The following SH2B1 variants were observed in gnomAD, a reference collection of about 807,000 sequenced individuals.
The protein encoded by SH2B1 is SH2B adapter protein 1.
SH2B1 carries 15 observed loss-of-function variants against 62.6 expected under a neutral mutation model. The ratio of observed to expected loss-of-function variants is 0.24; its 90% CI spans 0.16 to 0.37. The LOEUF (loss-of-function observed/expected upper bound fraction) is 0.37, where lower values mean the gene tolerates loss of function less well. Ranked by LOEUF, SH2B1 falls within the 10% of genes least tolerant of loss-of-function variation. The pLI is 1.00. For synonymous variants in SH2B1, 443 were observed against 438.0 expected (o/e 1.01, Z -0.14); for missense variants, 925 against 1,015.6 (o/e 0.91, Z 1.21).
chr16:28,869,184 G>A (rs1962895548), intron 3 of SH2B1, 24 bp from the exon 4 acceptor site: 5 of 1,613,918 alleles, frequency 3.1e-6, no homozygotes, highest in Non-Finnish European at 4.2e-6. Context: ...TTTCCTCCCA[G>A]CACCATCTTC....
chr16:28,861,019 T>C (rs574264726), upstream of SH2B1, among the ~76,000 whole-genome samples: 9 of 152,034 alleles, frequency 5.9e-5, no homozygotes, highest in African/African-American at 1.9e-4. Flanking sequence ...GGTTTCGCCA[T>C]GTTGGCTAGG....
At chr16:28,852,981 A>T (rs1234937163) in intron 1 of SH2B1, among the ~76,000 whole-genome samples, 2 of 55,722 alleles carry the variant, frequency 3.6e-5, no homozygotes, top group South Asian at 5.1e-4. Context: ...GTACATATAT[A>T]TTTTATATGT....
intron 1 of SH2B1, among the ~76,000 whole-genome samples, chr16:28,857,763 G>A (rs1360786783): frequency 2.1e-4 from 31 of 149,828 alleles, no homozygotes; most frequent in African/African-American, 6.6e-4. Flanking sequence ...TTTTTGAGAC[G>A]GAGTCTCGCT....
chr16:28,848,860 C>T (rs1422558015), intron 1 of SH2B1, among the ~76,000 whole-genome samples: 6 of 151,718 alleles, frequency 4.0e-5, no homozygotes, highest in East Asian at 3.9e-4. Context: ...TTAATAGAGA[C>T]GGGGTTTCAC....
chr16:28,867,508 G>A (rs577778048), intron 2 of SH2B1, 76 bp downstream of exon 2: 15 of 1,087,612 alleles, frequency 1.4e-5, no homozygotes, highest in Admixed American at 3.4e-5. Flanking sequence ...AGCAAGTGGC[G>A]TCGCCGAAAG....
chr16:28,867,307 A>G, intron 1 of SH2B1, 24 bp from the exon 2 acceptor site: 1 of 1,567,566 alleles, frequency 6.4e-7, no homozygotes, highest in Non-Finnish European at 8.8e-7. Context: ...AAACACCCAG[A>G]TCTGTTTCTT....
chr16:28,857,815 CTG>C (rs1962355863), intron 1 of SH2B1, among the ~76,000 whole-genome samples: 1 of 151,412 alleles, frequency 6.6e-6, no homozygotes, highest in African/African-American at 2.4e-5. Context: ...TCTCGGCTCA[CTG>C]CAAGCTCCGC....
intron 1 of SH2B1, among the ~76,000 whole-genome samples, chr16:28,855,197 GT>G (rs1303522595): frequency 2.6e-5 from 4 of 151,182 alleles, no homozygotes; most frequent in African/African-American, 7.3e-5. Context: ...CCCCACTTTC[GT>G]TTTGCAAACA....
At chr16:28,854,001 CAAAAAAAAAA>C (rs59760541) in intron 1 of SH2B1, among the ~76,000 whole-genome samples, 1 of 45,982 alleles carries the variant, frequency 2.2e-5, no homozygotes, top group African/African-American at 1.1e-4. Context: ...GACTAGGTCT[CAAAAAAAAAA>C]AAAAAAAAAA....
intron 1 of SH2B1, among the ~76,000 whole-genome samples, chr16:28,851,163 A>C (rs1199247120): frequency 7.6e-6 from 1 of 132,110 alleles, no homozygotes; most frequent in Non-Finnish European, 1.6e-5. Context: ...ACAGAGCAAG[A>C]CTCTGTCTCA....
chr16:28,863,385 G>T (rs1962516698), upstream of SH2B1: 1 of 355,118 alleles, frequency 2.8e-6, no homozygotes, highest in Admixed American at 4.5e-5. Flanking sequence ...CCTCCCCAAG[G>T]TCACCCGCTT....
rs779048454 is a variant in SH2B1, at chr16:28,872,023, G to A, written c.1513+40G>A. 7.1e-7 allele frequency: 1 copy of A among 1,403,778 alleles called. No homozygotes were observed. The highest frequency in any genetic ancestry group is 1.2e-5 in the South Asian group (1 of 86,908). 87.0% of individuals were successfully genotyped at this position (1,403,778 alleles called of 1,614,324 possible). On this transcript the variant is annotated intron_variant, in intron 5 of 7. Coordinates refer to ENST00000684370, the MANE Select transcript of SH2B1 (RefSeq NM_001387430.1). The surrounding 1 kb of genome is among the most constrained non-coding windows in gnomAD (Gnocchi z 5.3). ...AGTGTGCATGTCTCCAGGCCTGGGT[G>A]CCTACCTTCCTGACCACCTCTCCTG... is the stretch of plus-strand genomic sequence containing the variant.
At chr16:28,852,058 C>G (rs1218384314) in intron 1 of SH2B1, among the ~76,000 whole-genome samples, 1 of 147,768 alleles carries the variant, frequency 6.8e-6, no homozygotes, top group Non-Finnish European at 1.5e-5. Flanking sequence ...CAGAGTGAGA[C>G]TCTGTCTCAA....
Position 28,869,028 on chromosome 16 carries a change from T to C in SH2B1, c.1064T>C (p.Ile355Thr). 6.2e-7 allele frequency: 1 copy of C among 1,614,076 alleles called. No homozygotes were observed. Among genetic ancestry groups the C allele is most frequent in the Non-Finnish European group, 8.5e-7 (1 of 1,179,956 alleles). The change falls in exon 3 of 8, where the codon ATC becomes ACC. Residue 355 changes from isoleucine to threonine, a missense_variant. Physicochemically the swap from Ile to Thr is moderately conservative, Grantham distance 89. This residue lies in a region of SH2B1 where 683 missense variants were observed against 704.0 expected (regional missense o/e 0.97). Transcript: ENST00000684370. ...VVKVEGPSEYIMETVDAQHVK... is the reference protein window; with the variant it reads ...VVKVEGPSEYTMETVDAQHVK... ...TAGGTGGAAGGTCCATCCGAGTATA[T>C]CATGGAGACAGTGGATGCCCAGCAT...
At chr16:28,853,136 TTATATAAA>T (rs1962241708) in intron 1 of SH2B1, among the ~76,000 whole-genome samples, 1 of 130,824 alleles carries the variant, frequency 7.6e-6, no homozygotes, top group South Asian at 2.2e-4. Context: ...ATGTATACAT[TTATATAAA>T]TATATATAAA....
chr16:28,865,251 G>A lies in SH2B1; in HGVS notation c.-844G>A. On this transcript the variant is annotated 5_prime_UTR_variant, in exon 1 of 8. Coordinates refer to ENST00000684370, the MANE Select transcript of SH2B1 (RefSeq NM_001387430.1). ...CTGCGGCCTCTGGCCCCAGACTGAA[G>A]GGATACCAAAGAAGTGGGCTGTAGC... 2.0e-6 allele frequency: 2 copies of A among 985,638 alleles called. No homozygotes were observed. The highest frequency in any genetic ancestry group is 2.4e-6 in the Non-Finnish European group (2 of 829,964). 61.1% of individuals were successfully genotyped at this position (985,638 alleles called of 1,614,324 possible). A position where few individuals can be genotyped will look rare whatever the true frequency, so the allele number is the denominator to read the frequency against.
chr16:28,873,179 A>G lies in SH2B1; in HGVS notation c.1898-268A>G. The G allele has an allele frequency of 1.3e-6, 2 of 1,570,138 alleles. No individual in the cohort carries two copies. The highest frequency in any genetic ancestry group is 1.2e-5 in the South Asian group (1 of 85,484). ...TTGCCCCTCCCCCCAGGCCGGGAGC[A>G]GGCTGGGAGCCATGCGGGGGTGTGC... On this transcript the variant is annotated intron_variant, in intron 7 of 7. Transcript: ENST00000684370. The surrounding 1 kb of genome is among the most constrained non-coding windows in gnomAD (Gnocchi z 4.2).
intron 4 of SH2B1, among the ~76,000 whole-genome samples, chr16:28,871,266 C>T (rs1963014320): frequency 1.3e-5 from 2 of 152,174 alleles, no homozygotes; most frequent in African/African-American, 4.8e-5. Context: ...GATCCTCCTG[C>T]CTCAACCTCC....
intron 4 of SH2B1, among the ~76,000 whole-genome samples, chr16:28,869,813 G>A (rs1253561420): frequency 2.0e-5 from 3 of 151,960 alleles, no homozygotes; most frequent in South Asian, 2.1e-4. Context: ...ACACATACCC[G>A]ACCCACACAC....
Sources: allele counts gnomAD v4.1 joint callset (sites outside exome capture counted in the v4.1 genomes callset), GRCh38; gene constraint gnomAD v4.1.1; regional missense constraint gnomAD v4.1.1; non-coding constraint Gnocchi (gnomAD v3.1); transcripts MANE v1.5; gene names NCBI Gene and HGNC (gene_info 2026-07-23, HGNC 2026-07-21).